The following CATSPER3 variants were observed in gnomAD, a reference collection of about 807,000 sequenced individuals.
CATSPER3 encodes cation channel sperm associated 3, also known as cation channel sperm-associated protein 3.
In CATSPER3, 23 loss-of-function variants were observed where a neutral mutation model predicts 36.6. That is an observed-to-expected ratio of 0.63 (90% CI 0.45 to 0.89). CATSPER3 has a LOEUF of 0.89. Ranked by LOEUF, CATSPER3 falls within the 40% of genes least tolerant of loss-of-function variation. The pLI is 0.00. For synonymous variants in CATSPER3, 172 were observed against 184.1 expected (o/e 0.93, Z 0.53); for missense variants, 474 against 503.9 (o/e 0.94, Z 0.57).
At chr5:135,007,698 T>C (rs1752107925) in intron 3 of CATSPER3, among the ~76,000 whole-genome samples, 1 of 152,104 alleles carries the variant, frequency 6.6e-6, no homozygotes, top group Admixed American at 6.6e-5. Flanking sequence ...TGACTGAGGG[T>C]GGATGTCAGA....
intron 3 of CATSPER3, among the ~76,000 whole-genome samples, chr5:135,005,437 C>G (rs886320858): frequency 2.0e-5 from 3 of 152,176 alleles, no homozygotes; most frequent in African/African-American, 7.2e-5. Flanking sequence ...AGCTGTGGCT[C>G]TCCTGTAGCC....
At chr5:135,005,210 G>A (rs1012033939) in intron 3 of CATSPER3, among the ~76,000 whole-genome samples, 1 of 152,224 alleles carries the variant, frequency 6.6e-6, no homozygotes, top group African/African-American at 2.4e-5. Flanking sequence ...TGATTAGAAG[G>A]CAAAGGCTCC....
chr5:134,970,669 A>G (rs1328603605), intron 2 of CATSPER3, among the ~76,000 whole-genome samples: 1 of 148,414 alleles, frequency 6.7e-6, no homozygotes, highest in Non-Finnish European at 1.5e-5. Flanking sequence ...CCTCCCAGGT[A>G]CAAGTGATTC....
chr5:135,009,306 A>G, intron 5 of CATSPER3, 65 bp from the exon 6 acceptor site: 1 of 1,555,658 alleles, frequency 6.4e-7, no homozygotes, highest in East Asian at 2.2e-5. Flanking sequence ...ACTGGGGAAG[A>G]GGAAAGACTG....
intron 2 of CATSPER3, among the ~76,000 whole-genome samples, chr5:134,980,707 G>A (rs1383258239): frequency 6.6e-6 from 1 of 151,860 alleles, no homozygotes; most frequent in African/African-American, 2.4e-5. Flanking sequence ...GAGATTACAG[G>A]TGTGAGCCAC....
chr5:135,004,657 G>A (rs908864874), intron 3 of CATSPER3, among the ~76,000 whole-genome samples: 2 of 152,194 alleles, frequency 1.3e-5, no homozygotes, highest in African/African-American at 4.8e-5. Context: ...GAAGTCCAGG[G>A]GTGAAGAGGC....
At chr5:134,985,861 T>A (rs1057176582) in intron 2 of CATSPER3, among the ~76,000 whole-genome samples, 1 of 151,742 alleles carries the variant, frequency 6.6e-6, no homozygotes, top group African/African-American at 2.4e-5. Flanking sequence ...ACTGTGTCAC[T>A]GCACTCCAGA....
At chr5:134,984,909 C>T (rs1340291766) in intron 2 of CATSPER3, among the ~76,000 whole-genome samples, 3 of 151,796 alleles carry the variant, frequency 2.0e-5, no homozygotes, top group African/African-American at 7.3e-5. Context: ...AACCTCTGCT[C>T]TCAGGTTCAA....
intron 3 of CATSPER3, among the ~76,000 whole-genome samples, chr5:135,002,957 A>C (rs1316261793): frequency 6.6e-6 from 1 of 152,208 alleles, no homozygotes; most frequent in Non-Finnish European, 1.5e-5. Context: ...TCAACTCATC[A>C]AAGTCATTCT....
Position 134,983,908 on chromosome 5 carries a change from C to T in CATSPER3, c.253-12365C>T, listed in dbSNP as rs151181049. 5.1e-3 allele frequency among the ~76,000 whole-genome samples: 780 copies of T among 152,222 alleles called. 6 individuals are homozygous for T. Among genetic ancestry groups the T allele is most frequent in the African/African-American group, 0.018 (743 of 41,528 alleles). On this transcript the variant is annotated intron_variant, in intron 2 of 7. Transcript: ENST00000282611. ...AATTATACCACAAGGTTATAGTAAC[C>T]GTAACAGCATGGTACTGGTATAAAA...
In CATSPER3 at chr5:134,989,171, C is replaced by T. The variant is rs146404460; in HGVS notation, c.253-7102C>T. On this transcript the variant is annotated intron_variant, in intron 2 of 7. Coordinates refer to ENST00000282611, the MANE Select transcript of CATSPER3 (RefSeq NM_178019.3). ...TGCTGTAAACCGATATGCTGTCATC[C>T]GGGCTTTGTTATTCCATTTCTAGAG... is the stretch of plus-strand genomic sequence containing the variant. Among the ~76,000 whole-genome samples, 745 of 152,170 alleles carry T rather than the reference C, an allele frequency of 4.9e-3. 5 individuals are homozygous for T. The highest frequency in any genetic ancestry group is 7.7e-3 in the Non-Finnish European group (525 of 67,982).
At chr5:134,978,746 GTC>G (rs1751712919) in intron 2 of CATSPER3, among the ~76,000 whole-genome samples, 1 of 150,660 alleles carries the variant, frequency 6.6e-6, no homozygotes, top group African/African-American at 2.4e-5. Context: ...TTGAGACAGA[GTC>G]TTGCTCTGTT....
At chr5:134,983,725 A>G (rs961914569) in intron 2 of CATSPER3, among the ~76,000 whole-genome samples, 2 of 152,212 alleles carry the variant, frequency 1.3e-5, no homozygotes, top group Non-Finnish European at 1.5e-5. Flanking sequence ...TCAATTCATC[A>G]GGAAGATAAA....
intron 3 of CATSPER3, among the ~76,000 whole-genome samples, chr5:135,003,236 T>A (rs1301384219): frequency 6.6e-6 from 1 of 152,200 alleles, no homozygotes; most frequent in Non-Finnish European, 1.5e-5. Context: ...CCTGTTTGCC[T>A]GGGTATCAGC....
chr5:134,991,617 C>A (rs1751880049), intron 2 of CATSPER3, among the ~76,000 whole-genome samples: 2 of 152,110 alleles, frequency 1.3e-5, no homozygotes, highest in Admixed American at 1.3e-4. Context: ...AAGTTTGACA[C>A]CTACCTCACA....
At chr5:135,010,309 T>C in intron 6 of CATSPER3, 64 bp from the exon 7 acceptor site, 2 of 1,426,996 alleles carry the variant, frequency 1.4e-6, no homozygotes, top group East Asian at 2.3e-5. Context: ...AGAGTCTCCA[T>C]GTCTCTGTGC....
At chr5:134,979,948 C>CCCCCTTCCCTCCCTCCTTTCCT (rs1751729064) in intron 2 of CATSPER3, among the ~76,000 whole-genome samples, 5 of 118,066 alleles carry the variant, frequency 4.2e-5, no homozygotes, top group South Asian at 3.5e-4. Flanking sequence ...CCTCATTTCC[C>CCCCCTTCCCTCCCTCCTTTCCT]ACCCTTCCCT....
intron 2 of CATSPER3, among the ~76,000 whole-genome samples, chr5:134,991,149 T>C (rs1580908850): frequency 6.6e-6 from 1 of 152,324 alleles, no homozygotes; most frequent in East Asian, 1.9e-4. Flanking sequence ...AAGACTTGAA[T>C]AAATGAAAAG....
At chr5:134,982,771 A>G (rs1345477191) in intron 2 of CATSPER3, among the ~76,000 whole-genome samples, 1 of 152,232 alleles carries the variant, frequency 6.6e-6, no homozygotes, top group Non-Finnish European at 1.5e-5. Context: ...GGGTAAGGCA[A>G]CTGCATCAGT....
Sources: allele counts gnomAD v4.1 joint callset (sites outside exome capture counted in the v4.1 genomes callset), GRCh38; gene constraint gnomAD v4.1.1; transcripts MANE v1.5; gene names NCBI Gene and HGNC (gene_info 2026-07-23, HGNC 2026-07-21).